Variants in RNF150 observed in about 807,000 individuals in gnomAD.
RNF150 encodes ring finger protein 150.
RNF150 carries 24 observed loss-of-function variants against 39.3 expected under a neutral mutation model. That is an observed-to-expected ratio of 0.61 (90% CI 0.44 to 0.86). The LOEUF (loss-of-function observed/expected upper bound fraction) is 0.86, where lower values mean the gene tolerates loss of function less well. Among genes scored for constraint, RNF150 ranks in the 40% least tolerant of loss-of-function variants. RNF150 has a pLI of 0.00. For missense variants in RNF150, 502 were observed against 587.8 expected (o/e 0.85, Z 1.51); for synonymous variants, 255 against 227.3 (o/e 1.12, Z -1.10).
At chr4:141,033,395 C>T (rs1040532049) in intron 1 of RNF150, among the ~76,000 whole-genome samples, 2 of 152,124 alleles carry the variant, frequency 1.3e-5, no homozygotes, top group African/African-American at 4.8e-5. Flanking sequence ...TTGCTATTTC[C>T]ACATCTGCAG....
intron 1 of RNF150, among the ~76,000 whole-genome samples, chr4:141,018,590 C>T (rs1735366832): frequency 6.6e-6 from 1 of 152,128 alleles, no homozygotes; most frequent in African/African-American, 2.4e-5. Context: ...GCCTGTGATT[C>T]TAAGTCATCT....
At chr4:141,011,045 A>G (rs1735056710) in intron 1 of RNF150, among the ~76,000 whole-genome samples, 1 of 151,996 alleles carries the variant, frequency 6.6e-6, no homozygotes, top group Non-Finnish European at 1.5e-5. Context: ...GCTGATTTAT[A>G]TGACCCATTG....
At chr4:140,879,681 G>A (rs1046801965) in intron 6 of RNF150, among the ~76,000 whole-genome samples, 20 of 152,032 alleles carry the variant, frequency 1.3e-4, no homozygotes, top group African/African-American at 3.6e-4. Flanking sequence ...AACTAGCCTG[G>A]CATGGTGGCA....
chr4:140,908,429 A>G (rs1392809273), intron 6 of RNF150, among the ~76,000 whole-genome samples: 1 of 151,898 alleles, frequency 6.6e-6, no homozygotes, highest in Non-Finnish European at 1.5e-5. Context: ...TTTAGTTTCT[A>G]TACTGAGAAA....
At chr4:140,972,752 G>A (rs756808150) in intron 1 of RNF150, among the ~76,000 whole-genome samples, 2 of 152,152 alleles carry the variant, frequency 1.3e-5, no homozygotes, top group Non-Finnish European at 2.9e-5. Context: ...TGAGCAGCCA[G>A]CTTCACAGAG....
chr4:140,975,418 A>T (rs1733626993), intron 1 of RNF150, among the ~76,000 whole-genome samples: 2 of 152,190 alleles, frequency 1.3e-5, no homozygotes, highest in Non-Finnish European at 2.9e-5. Flanking sequence ...ACCAATCCCC[A>T]GGGAAGATGG....
intron 1 of RNF150, among the ~76,000 whole-genome samples, chr4:141,037,928 C>T (rs1486855035): frequency 1.3e-5 from 2 of 152,156 alleles, no homozygotes; most frequent in Non-Finnish European, 2.9e-5. Context: ...CATTTTAAAA[C>T]AGCTAACATG....
intron 1 of RNF150, among the ~76,000 whole-genome samples, chr4:141,191,239 G>GCACAGATC (rs1349429836): frequency 1.3e-5 from 2 of 152,182 alleles, no homozygotes; most frequent in Non-Finnish European, 2.9e-5. Context: ...TCTGTGCCTG[G>GCACAGATC]TGTAGGTCAT....
At chr4:140,968,482 T>A (rs1733336025) in intron 1 of RNF150, among the ~76,000 whole-genome samples, 1 of 152,044 alleles carries the variant, frequency 6.6e-6, no homozygotes, top group African/African-American at 2.4e-5. Context: ...AACTATTTTC[T>A]GCTTATTTTA....
intron 2 of RNF150, among the ~76,000 whole-genome samples, chr4:140,964,484 T>C (rs983291500): frequency 1.3e-5 from 2 of 151,930 alleles, no homozygotes; most frequent in African/African-American, 4.8e-5. Flanking sequence ...ATACAAAATA[T>C]ACAACAATCC....
intron 1 of RNF150, among the ~76,000 whole-genome samples, chr4:141,147,404 G>C (rs1457231263): frequency 1.3e-5 from 2 of 152,186 alleles, no homozygotes; most frequent in Non-Finnish European, 2.9e-5. Flanking sequence ...GGGAAAGAGA[G>C]AGCGTGAAAG....
At chr4:141,168,385 G>T (rs1467942948) in intron 1 of RNF150, among the ~76,000 whole-genome samples, 1 of 152,198 alleles carries the variant, frequency 6.6e-6, no homozygotes, top group African/African-American at 2.4e-5. Flanking sequence ...AGACAATGTG[G>T]TGATTCCTCA....
Position 140,864,734 on chromosome 4 carries a change from C to T in RNF150, c.*3527G>A, listed in dbSNP as rs1728633158. 1 of 152,114 alleles carries T rather than the reference C, an allele frequency of 6.6e-6. No homozygotes were observed. The highest frequency in any genetic ancestry group is 1.5e-5 in the Non-Finnish European group (1 of 68,040). 9.4% of individuals were successfully genotyped at this position (152,114 alleles called of 1,614,324 possible). A position where few individuals can be genotyped will look rare whatever the true frequency, so the allele number is the denominator to read the frequency against. On this transcript the variant is annotated 3_prime_UTR_variant, in exon 7 of 7. Transcript: ENST00000515673. ...GGAGTTCTCTTTGGCTCCTAAGTGC[C>T]ACATATCAGTCCGAGGGTTTGCCAT...
At chr4:141,055,018 C>T (rs1736915496) in intron 1 of RNF150, among the ~76,000 whole-genome samples, 1 of 151,832 alleles carries the variant, frequency 6.6e-6, no homozygotes, top group Non-Finnish European at 1.5e-5. Flanking sequence ...TTGAGGAGCA[C>T]AATTAAAGTG....
At chr4:140,972,478 A>G (rs1385333495) in intron 1 of RNF150, among the ~76,000 whole-genome samples, 1 of 152,230 alleles carries the variant, frequency 6.6e-6, no homozygotes, top group Non-Finnish European at 1.5e-5. Flanking sequence ...AATTAAAGGA[A>G]TAAGGCATAC....
chr4:141,089,195 A>T (rs1738480060), intron 1 of RNF150, among the ~76,000 whole-genome samples: 1 of 152,128 alleles, frequency 6.6e-6, no homozygotes, highest in Non-Finnish European at 1.5e-5. Flanking sequence ...AGACAGCAGG[A>T]GTGGGTAATG....
chr4:140,910,313 A>C (rs994138190), intron 6 of RNF150, among the ~76,000 whole-genome samples: 1 of 152,206 alleles, frequency 6.6e-6, no homozygotes, highest in Non-Finnish European at 1.5e-5. Context: ...AAAAGTTGCA[A>C]TATCCACTCA....
intron 1 of RNF150, among the ~76,000 whole-genome samples, chr4:141,004,845 CAT>C (rs1205637716): frequency 7.2e-5 from 11 of 152,218 alleles, no homozygotes; most frequent in South Asian, 4.1e-4. Flanking sequence ...CTACTCTGTA[CAT>C]GTCTCCATCC....
chr4:141,051,615 GA>G (rs1736779675), intron 1 of RNF150, among the ~76,000 whole-genome samples: 1 of 152,130 alleles, frequency 6.6e-6, no homozygotes, highest in Non-Finnish European at 1.5e-5. Context: ...AAATTAACAA[GA>G]GGCACCTTTG....
Sources: gnomAD v4.1 joint callset for allele counts (sites outside exome capture counted in the v4.1 genomes callset) on GRCh38, gnomAD v4.1.1 for gene constraint, MANE v1.5 for transcripts, NCBI Gene and HGNC (gene_info 2026-07-23, HGNC 2026-07-21) for gene names.